PCDHGB4: variants seen among roughly 807,000 people sequenced by gnomAD.
The protein encoded by PCDHGB4 is protocadherin gamma-B4.
Under a neutral mutation model 60.5 loss-of-function variants are expected in PCDHGB4, and 38 were observed. The ratio of observed to expected loss-of-function variants is 0.63; its 90% CI spans 0.48 to 0.82. PCDHGB4 has a LOEUF of 0.82. Ranked by LOEUF, PCDHGB4 falls within the 40% of genes least tolerant of loss-of-function variation. The pLI, the probability that PCDHGB4 is intolerant of heterozygous loss-of-function variation, is 0.00. For synonymous variants in PCDHGB4, 456 were observed against 509.7 expected, an observed-to-expected ratio of 0.89 and a Z score of 1.42; for missense variants, 1,109 against 1,209.6, an observed-to-expected ratio of 0.92 and a Z score of 1.23.
chr5:141,419,730 G>A (rs747960969), intron 1 of PCDHGB4: 9 of 1,613,746 alleles, frequency 5.6e-6, no homozygotes, highest in Non-Finnish European at 7.6e-6. Context: ...CTGCGAACAG[G>A]CGAGGTGCGC....
At chr5:141,427,997 A>C (rs1471083920) in intron 1 of PCDHGB4, 2 of 1,600,232 alleles carry the variant, frequency 1.2e-6, no homozygotes, top group African/African-American at 2.7e-5. Flanking sequence ...ATGGCTCCGC[A>C]CTCTTCGATA....
chr5:141,485,887 C>T lies in PCDHGB4; in HGVS notation c.2398-8920C>T. 1 of 1,614,098 alleles carries T rather than the reference C, an allele frequency of 6.2e-7. No homozygotes were observed. On this transcript the variant is annotated intron_variant, in intron 1 of 3. Transcript: ENST00000519479. The surrounding 1 kb of genome is among the most constrained non-coding windows in gnomAD (Gnocchi z 5.7). ...TATCCGTGCTGGACGTAAACGACAA[C>T]GCCCCAGCCTTCCAGCAATCCAGCT...
In PCDHGB4 at chr5:141,487,568, C is replaced by T. The variant is rs752378906; in HGVS notation, c.2398-7239C>T. Reference sequence around the variant, plus strand: ...ACCCAGTGCACCTATGGCAGGGGAGCCTGTTCGCCCAAGCTGCCCACCCTC... The same window carrying T: ...ACCCAGTGCACCTATGGCAGGGGAGTCTGTTCGCCCAAGCTGCCCACCCTC... On this transcript the variant is annotated intron_variant, in intron 1 of 3. Transcript: ENST00000519479. This position sits in a 1 kb window ranked among gnomAD's most constrained non-coding sequence, Gnocchi z 5.0. The T allele has an allele frequency of 1.2e-6, 2 of 1,614,180 alleles. No individual in the cohort carries two copies. The highest frequency in any genetic ancestry group is 1.7e-6 in the Non-Finnish European group (2 of 1,180,042).
chr5:141,478,163 C>G (rs779617960), intron 1 of PCDHGB4: 22 of 1,614,028 alleles, frequency 1.4e-5, no homozygotes, highest in Non-Finnish European at 1.9e-5. Context: ...TGGCTCTGCC[C>G]CCCGGGAGCA....
chr5:141,482,588 C>T (rs559327092), intron 1 of PCDHGB4, among the ~76,000 whole-genome samples: 3 of 147,192 alleles, frequency 2.0e-5, no homozygotes, highest in Admixed American at 6.8e-5. Context: ...GCAGTGGGAC[C>T]AAACGGGAAA....
chr5:141,504,379 G>A lies in PCDHGB4; in HGVS notation c.2457-1014G>A, dbSNP rs181617363. On this transcript the variant is annotated intron_variant, in intron 2 of 3. Transcript: ENST00000519479. ...GCTTCAGTAGGAAGCAGGTGGAGTC[G>A]CTGCCTCACAGAAGCCAGTGTGGTG... Among the ~76,000 whole-genome samples the A allele has an allele frequency of 2.4e-3, 361 of 152,206 alleles. 1 individual carries two copies. The highest frequency in any genetic ancestry group is 0.021 in the Admixed American group (315 of 15,286).
intron 1 of PCDHGB4, among the ~76,000 whole-genome samples, chr5:141,488,417 C>T (rs2099675171): frequency 6.6e-6 from 1 of 152,224 alleles, no homozygotes; most frequent in Non-Finnish European, 1.5e-5. Context: ...GCCAAGCCAT[C>T]CATGCTTGGC....
chr5:141,491,047 G>A lies in PCDHGB4; in HGVS notation c.2398-3760G>A, dbSNP rs751761240. On this transcript the variant is annotated intron_variant, in intron 1 of 3. Coordinates refer to ENST00000519479, the MANE Select transcript of PCDHGB4 (RefSeq NM_003736.4). The surrounding 1 kb of genome is among the most constrained non-coding windows in gnomAD (Gnocchi z 6.9). Reference sequence around the variant, plus strand: ...CGTGGATGCTGATGCAGGCCACAATGCGTGGCTCTCCTACTCACTGTTGCC... The same window carrying A: ...CGTGGATGCTGATGCAGGCCACAATACGTGGCTCTCCTACTCACTGTTGCC... 4 of 1,614,054 alleles carry A rather than the reference G, an allele frequency of 2.5e-6. No homozygotes were observed. Among genetic ancestry groups the A allele is most frequent in the Non-Finnish European group, 3.4e-6 (4 of 1,180,034 alleles).
At chr5:141,470,022 G>C (rs892106953) in intron 1 of PCDHGB4, among the ~76,000 whole-genome samples, 2 of 152,070 alleles carry the variant, frequency 1.3e-5, no homozygotes, top group African/African-American at 4.8e-5. Context: ...CCAGCTACTC[G>C]GGATGCTGAG....
At chr5:141,428,134 T>C (rs746772496) in intron 1 of PCDHGB4, 1 of 1,600,266 alleles carries the variant, frequency 6.2e-7, no homozygotes, top group Non-Finnish European at 8.5e-7. Flanking sequence ...CTTTTCAGCC[T>C]GGGGCTGCAC....
At chr5:141,492,449 T>C (rs1045043841) in intron 1 of PCDHGB4, among the ~76,000 whole-genome samples, 50 of 152,314 alleles carry the variant, frequency 3.3e-4, no homozygotes, top group African/African-American at 1.2e-3. Flanking sequence ...TAGCTGATTG[T>C]GCGCGCCTGA....
chr5:141,494,996 C>A (rs2099758091), intron 2 of PCDHGB4, 131 bp downstream of exon 2: 2 of 1,539,742 alleles, frequency 1.3e-6, no homozygotes, highest in African/African-American at 1.4e-5. Context: ...CCAGGGAGGT[C>A]TTGGTGTGCG....
At chr5:141,450,292 C>T (rs1310226132) in intron 1 of PCDHGB4, among the ~76,000 whole-genome samples, 2 of 152,066 alleles carry the variant, frequency 1.3e-5, no homozygotes, top group African/African-American at 2.4e-5. Context: ...GGATTACAGG[C>T]GTGAGCCACC....
chr5:141,439,124 C>A (rs550781116), intron 1 of PCDHGB4, among the ~76,000 whole-genome samples: 332 of 150,120 alleles, frequency 2.2e-3, no homozygotes, highest in Non-Finnish European at 3.9e-3. Context: ...ACCCGGGAGA[C>A]AGAGGTTGCA....
chr5:141,460,027 G>A (rs1002703325), intron 1 of PCDHGB4, among the ~76,000 whole-genome samples: 3 of 152,088 alleles, frequency 2.0e-5, no homozygotes, highest in East Asian at 1.9e-4. Flanking sequence ...GCAGTGAGCC[G>A]AGACTGCACC....
At chr5:141,427,700 C>A in intron 1 of PCDHGB4, 3 of 945,490 alleles carry the variant, frequency 3.2e-6, no homozygotes, top group South Asian at 2.7e-5. Flanking sequence ...TCCCACAAGT[C>A]AGCGCCTCTG....
Position 141,487,925 on chromosome 5 carries a change from C to T in PCDHGB4, c.2398-6882C>T. 4.8e-6 allele frequency: 3 copies of T among 629,734 alleles called. No homozygotes were observed. The highest frequency in any genetic ancestry group is 8.3e-6 in the Non-Finnish European group (3 of 362,440). 39.0% of individuals were successfully genotyped at this position (629,734 alleles called of 1,614,324 possible). On this transcript the variant is annotated intron_variant, in intron 1 of 3. Coordinates refer to ENST00000519479, the MANE Select transcript of PCDHGB4 (RefSeq NM_003736.4). The surrounding 1 kb of genome is among the most constrained non-coding windows in gnomAD (Gnocchi z 5.0). ...TGTGGGAGCACAGGAGGCTACAGTGCACAGGGTACAGTGCACCAGGCAGTC... is the reference window on the plus strand; with the variant it reads ...TGTGGGAGCACAGGAGGCTACAGTGTACAGGGTACAGTGCACCAGGCAGTC...
At chr5:141,408,400 G>A (rs2095097999) in intron 1 of PCDHGB4, 2 of 1,614,052 alleles carry the variant, frequency 1.2e-6, no homozygotes, top group Non-Finnish European at 1.7e-6. Flanking sequence ...CTCGCAAGCT[G>A]CGAGTGAGCG....
intron 1 of PCDHGB4, chr5:141,419,588 A>C: frequency 6.2e-7 from 1 of 1,611,830 alleles, no homozygotes; most frequent in Non-Finnish European, 8.5e-7. Flanking sequence ...GCTCTTCGAC[A>C]CAGTGCCGCG....
Sources: gnomAD v4.1 joint callset for allele counts (sites outside exome capture counted in the v4.1 genomes callset) on GRCh38, gnomAD v4.1.1 for gene constraint, Gnocchi (gnomAD v3.1) non-coding constraint, MANE v1.5 for transcripts, NCBI Gene and HGNC (gene_info 2026-07-23, HGNC 2026-07-21) for gene names.